Variants in GSPT1 observed in about 807,000 individuals in gnomAD.
GSPT1 encodes the protein G1 to S phase transition 1.
GSPT1 carries 20 observed loss-of-function variants against 72.5 expected under a neutral mutation model. That is an observed-to-expected ratio of 0.28 (90% CI 0.19 to 0.40). The LOEUF (loss-of-function observed/expected upper bound fraction) is 0.40. GSPT1 is among the 10% of genes least tolerant of loss of function. The pLI is 1.00. For missense variants in GSPT1, 580 were observed against 811.9 expected, an observed-to-expected ratio of 0.71 and a Z score of 3.47; for synonymous variants, 334 against 293.5, an observed-to-expected ratio of 1.14 and a Z score of -1.41.
chr16:11,897,792 TGAAA>T (rs951860630), intron 3 of GSPT1, 44 bp downstream of exon 3: 13 of 912,758 alleles, frequency 1.4e-5, no homozygotes, highest in South Asian at 5.6e-5. Context: ...ATCTTGAGAG[TGAAA>T]GAGTTTCATA....
upstream of GSPT1, among the ~76,000 whole-genome samples, chr16:11,916,431 G>T (rs775029409): frequency 4.8e-4 from 73 of 152,204 alleles, no homozygotes; most frequent in Non-Finnish European, 8.8e-4. Flanking sequence ...AATACACTCA[G>T]CTCCCGAAAA....
chr16:11,893,152 T>C (rs2054291020), intron 5 of GSPT1, among the ~76,000 whole-genome samples: 2 of 152,070 alleles, frequency 1.3e-5, no homozygotes, highest in African/African-American at 4.8e-5. Context: ...CCCAGCTACT[T>C]GGGAGGCTGA....
At chr16:11,906,160 C>T (rs1454080286) in intron 1 of GSPT1, among the ~76,000 whole-genome samples, 1 of 152,068 alleles carries the variant, frequency 6.6e-6, no homozygotes, top group African/African-American at 2.4e-5. Flanking sequence ...GGGCTCACTG[C>T]AACCTCCACC....
chr16:11,907,344 T>C (rs1389671894), intron 1 of GSPT1, among the ~76,000 whole-genome samples: 1 of 152,186 alleles, frequency 6.6e-6, no homozygotes, highest in African/African-American at 2.4e-5. Flanking sequence ...CTCATGGATA[T>C]GACTGACCTA....
chr16:11,886,117 A>G lies in GSPT1; in HGVS notation c.1253+354T>C, dbSNP rs1457339639. 2.6e-5 allele frequency among the ~76,000 whole-genome samples: 4 copies of G among 152,202 alleles called. No homozygotes were observed. In the East Asian group the frequency reaches 7.7e-4, roughly 29 times the overall value. On this transcript the variant is annotated intron_variant, in intron 9 of 14. Transcript: ENST00000434724. ...TCAAATACATATCTAAATGTAAAAA[A>G]CTTCAAAAATAAAACCTTTTGTGCT...
intron 9 of GSPT1, among the ~76,000 whole-genome samples, chr16:11,885,668 T>C (rs1169576520): frequency 1.3e-5 from 2 of 152,056 alleles, no homozygotes; most frequent in African/African-American, 4.8e-5. Context: ...GAAAGGCAGG[T>C]GCATCTCTTG....
At chr16:11,887,442 CTG>C in intron 7 of GSPT1, 126 bp downstream of exon 7, 3 of 715,850 alleles carry the variant, frequency 4.2e-6, no homozygotes, top group South Asian at 3.8e-5. Flanking sequence ...ATGATGAAAA[CTG>C]TGACCGTGTA....
chr16:11,901,369 G>A (rs1012189948), intron 1 of GSPT1, among the ~76,000 whole-genome samples: 33 of 151,996 alleles, frequency 2.2e-4, no homozygotes, highest in African/African-American at 7.7e-4. Context: ...CATCCTACAT[G>A]GTTCACAGCT....
intron 3 of GSPT1, 52 bp from the exon 4 acceptor site, chr16:11,896,837 C>G (rs2054346398): frequency 2.6e-6 from 3 of 1,137,192 alleles, no homozygotes; most frequent in Middle Eastern, 2.0e-4. Flanking sequence ...ACAATCTATA[C>G]TTTAAAATAC....
intron 7 of GSPT1, 39 bp from the exon 8 acceptor site, chr16:11,886,970 C>T: frequency 6.5e-7 from 1 of 1,544,432 alleles, no homozygotes; most frequent in Non-Finnish European, 8.9e-7. Context: ...CCTTCGCCTT[C>T]AGGCATACCC....
Position 11,910,107 on chromosome 16 carries a change from T to G in GSPT1, c.352+5262A>C, listed in dbSNP as rs1284174508. ...GTAAGATCCCGTCTCTAAAAAATAA[T>G]AAGTAAAAAGTTTTTTAAAATACAC... On this transcript the variant is annotated intron_variant, in intron 1 of 14. Coordinates refer to ENST00000434724, the MANE Select transcript of GSPT1 (RefSeq NM_002094.4). Among the ~76,000 whole-genome samples, 6 of 151,970 alleles carry G rather than the reference T, an allele frequency of 3.9e-5. No homozygotes were observed. In the East Asian group the frequency reaches 1.2e-3, roughly 29 times the overall value.
chr16:11,873,506 T>C (rs981043050), intron 14 of GSPT1, among the ~76,000 whole-genome samples: 21 of 152,278 alleles, frequency 1.4e-4, no homozygotes, highest in African/African-American at 5.1e-4. Flanking sequence ...AGACGGGATT[T>C]CACCATGTTG....
chr16:11,897,246 C>A (rs1218450073), intron 3 of GSPT1, among the ~76,000 whole-genome samples: 1 of 152,114 alleles, frequency 6.6e-6, no homozygotes, highest in Admixed American at 6.6e-5. Flanking sequence ...GAACGTGAAA[C>A]CCTTAAGAAT....
chr16:11,903,127 T>C (rs1227538050), intron 1 of GSPT1, among the ~76,000 whole-genome samples: 2 of 152,200 alleles, frequency 1.3e-5, no homozygotes, highest in African/African-American at 4.8e-5. Context: ...TCTGTCTCTG[T>C]GGATTTACCT....
At chr16:11,903,770 T>C (rs770229679) in intron 1 of GSPT1, among the ~76,000 whole-genome samples, 1 of 152,238 alleles carries the variant, frequency 6.6e-6, no homozygotes, top group Non-Finnish European at 1.5e-5. Context: ...TGCCACTGAA[T>C]TGTTCACTTT....
At position 11,877,336 on chromosome 16, in the gene GSPT1, C is replaced by T. The variant is rs2054061306; in HGVS notation, c.1602+71G>A. ...ACTGGCATGTCACAAATAATCAGGA[C>T]AAAAGGCACTGATATTCTAATTTCA... On this transcript the variant is annotated intron_variant, in intron 12 of 14. Coordinates refer to ENST00000434724, the MANE Select transcript of GSPT1 (RefSeq NM_002094.4). This position sits in a 1 kb window ranked among gnomAD's most constrained non-coding sequence, Gnocchi z 4.0. 1 of 1,075,560 alleles carries T rather than the reference C, an allele frequency of 9.3e-7. No homozygotes were observed. Among genetic ancestry groups the T allele is most frequent in the African/African-American group, 1.6e-5 (1 of 62,722 alleles). The allele number at this position is 1,075,560 out of a possible 1,614,324, so 66.6% of individuals were successfully genotyped here. A position where few individuals can be genotyped will look rare whatever the true frequency, so the allele number is the denominator to read the frequency against.
At position 11,872,322 on chromosome 16, in the gene GSPT1, G is replaced by A. The variant is rs2053987648; in HGVS notation, c.*797C>T. 6.7e-6 allele frequency: 1 copy of A among 150,282 alleles called. No individual in the cohort carries two copies. 9.3% of individuals were successfully genotyped at this position (150,282 alleles called of 1,614,324 possible). A position where few individuals can be genotyped will look rare whatever the true frequency, so the allele number is the denominator to read the frequency against. The stretch of plus-strand genomic sequence containing the variant: ...TTACTTATAAAAACTACAGTATGCT[G>A]TTCTTTTATTTTAAAACAACTTACT... On this transcript the variant is annotated 3_prime_UTR_variant, in exon 15 of 15. Transcript: ENST00000434724.
At chr16:11,880,003 C>T (rs556947960) in intron 11 of GSPT1, among the ~76,000 whole-genome samples, 76 of 152,152 alleles carry the variant, frequency 5.0e-4, no homozygotes, top group Non-Finnish European at 9.7e-4. Flanking sequence ...TGAAACTCCC[C>T]GTTCACCCGA....
rs1436364345 is a variant in GSPT1 at position 11,872,642 on chromosome 16, A to C, written c.*477T>G. On this transcript the variant is annotated 3_prime_UTR_variant, in exon 15 of 15. Transcript: ENST00000434724. ...TGCAACAATGTTACATCCAGATAAA[A>C]AACATTATTCAAAAGCAATTCAAAT... 1 of 152,510 alleles carries C rather than the reference A, an allele frequency of 6.6e-6. No homozygotes were observed. The highest frequency in any genetic ancestry group is 1.5e-5 in the Non-Finnish European group (1 of 68,246). The allele number at this position is 152,510 out of a possible 1,614,324, so 9.4% of individuals were successfully genotyped here.
Sources: gnomAD v4.1 joint callset for allele counts (sites outside exome capture counted in the v4.1 genomes callset) on GRCh38, gnomAD v4.1.1 for gene constraint, Gnocchi (gnomAD v3.1) non-coding constraint, MANE v1.5 for transcripts, NCBI Gene and HGNC (gene_info 2026-07-23, HGNC 2026-07-21) for gene names.